LRRC8E: variants seen among roughly 807,000 people sequenced by gnomAD.
LRRC8E encodes leucine rich repeat containing 8 VRAC subunit E, also known as volume-regulated anion channel subunit LRRC8E.
In LRRC8E, 6 loss-of-function variants were observed where a neutral mutation model predicts 6.1. The observed-to-expected ratio is 0.98, with a 90% CI of 0.54 to 1.93. LRRC8E has a LOEUF of 1.93. Among genes scored for constraint, LRRC8E ranks in the 30% most tolerant of loss-of-function variants. LRRC8E has a pLI of 0.01. For missense variants in LRRC8E, 1,028 were observed against 1,031.4 expected (o/e 1.00, Z 0.04); for synonymous variants, 485 against 472.8 (o/e 1.03, Z -0.33).
In LRRC8E at chr19:7,898,798, C is replaced by T. The variant is rs1483811926; in HGVS notation, c.276C>T (p.Asn92=). The part of the protein sequence containing the change: ...GALQEVKGLK[N]NLDLQQYSFI... ...TGCAGGAGGTTAAAGGCCTTAAGAACAATTTGGACCTGCAGCAATACAGCT... is the reference window on the plus strand; with the variant it reads ...TGCAGGAGGTTAAAGGCCTTAAGAATAATTTGGACCTGCAGCAATACAGCT... Residue 92 remains asparagine, a synonymous_variant, in exon 3 of 3, where the codon AAC becomes AAT. Coordinates refer to ENST00000306708, the MANE Select transcript of LRRC8E (RefSeq NM_025061.6). 1 of 1,614,082 alleles carries T rather than the reference C, an allele frequency of 6.2e-7. No individual in the cohort carries two copies. Among genetic ancestry groups the T allele is most frequent in the East Asian group, 2.2e-5 (1 of 44,906 alleles).
chr19:7,892,695 C>CGT (rs1439072650), intron 1 of LRRC8E, among the ~76,000 whole-genome samples: 1 of 152,132 alleles, frequency 6.6e-6, no homozygotes, highest in African/African-American at 2.4e-5. Context: ...TGACCCCAAG[C>CGT]GTCCATTTTG....
chr19:7,890,308 TCAGGCTGGAAAGCC>T (rs369601991), intron 1 of LRRC8E, among the ~76,000 whole-genome samples: 2,874 of 152,218 alleles, frequency 0.019, 80 homozygotes, highest in African/African-American at 0.066. Flanking sequence ...CCACATGGTC[TCAGGCTGGAAAGCC>T]TTCCAGCCTG....
At chr19:7,894,037 T>C (rs1335018768) in intron 1 of LRRC8E, among the ~76,000 whole-genome samples, 5 of 151,872 alleles carry the variant, frequency 3.3e-5, no homozygotes, top group Non-Finnish European at 7.4e-5. Context: ...CACCCCAAAA[T>C]ATGGGGGGGA....
intron 1 of LRRC8E, among the ~76,000 whole-genome samples, chr19:7,894,591 T>A (rs1406714937): frequency 6.6e-6 from 1 of 152,186 alleles, no homozygotes; most frequent in Non-Finnish European, 1.5e-5. Flanking sequence ...ACTTGGATGT[T>A]GGCAGAAGTG....
Position 7,895,795 on chromosome 19 carries a change from GGGGAAGTC to G in LRRC8E, c.138+61_138+68del. 6.3e-7 allele frequency: 1 copy of G among 1,590,872 alleles called. No individual in the cohort carries two copies. The highest frequency in any genetic ancestry group is 8.6e-7 in the Non-Finnish European group (1 of 1,162,198). On this transcript the variant is annotated intron_variant, in intron 2 of 2. Transcript: ENST00000306708. The surrounding 1 kb of genome is among the most constrained non-coding windows in gnomAD (Gnocchi z 4.7). ...GACCAGAGGGGCGGGGCAGGTGTCT[GGGGAAGTC>G]GGGAAGCCTTCTCATCACCCAAGAA... is the stretch of plus-strand genomic sequence containing the variant.
At chr19:7,891,165 C>A (rs1354958376) in intron 1 of LRRC8E, among the ~76,000 whole-genome samples, 1 of 152,214 alleles carries the variant, frequency 6.6e-6, no homozygotes, top group Non-Finnish European at 1.5e-5. Context: ...AAGTCTCCGA[C>A]ATCCACGCTG....
chr19:7,894,627 C>G (rs1981481914), intron 1 of LRRC8E, among the ~76,000 whole-genome samples: 1 of 152,224 alleles, frequency 6.6e-6, no homozygotes, highest in Middle Eastern at 3.2e-3. Flanking sequence ...CCCCACCTTC[C>G]TTGTTCCACC....
In LRRC8E at chr19:7,899,387, G is replaced by A; in HGVS notation, c.865G>A (p.Glu289Lys). 2 of 1,614,202 alleles carry A rather than the reference G, an allele frequency of 1.2e-6. No homozygotes were observed. Among genetic ancestry groups the A allele is most frequent in the South Asian group, 1.1e-5 (1 of 91,090 alleles). The change falls in exon 3 of 3, where the codon GAG becomes AAG. Residue 289 changes from glutamate to lysine, a missense_variant. Physicochemically the swap from Glu to Lys is moderately conservative, Grantham distance 56 (BLOSUM62 1). Transcript: ENST00000306708. ...KISFLVACRV[E>K]TSEVTGYASF... ...CAGTTTCCTGGTGGCCTGTAGGGTG[G>A]AGACGTCAGAGGTCACGGGCTACGC...
chr19:7,891,646 G>T (rs865885754), intron 1 of LRRC8E, among the ~76,000 whole-genome samples: 1 of 151,924 alleles, frequency 6.6e-6, no homozygotes, highest in Admixed American at 6.6e-5. Context: ...TCGCTCTGTC[G>T]CCCAGGCTGG....
At chr19:7,892,411 T>C (rs1216292806) in intron 1 of LRRC8E, among the ~76,000 whole-genome samples, 2 of 152,008 alleles carry the variant, frequency 1.3e-5, no homozygotes, top group East Asian at 3.9e-4. Context: ...GGTCTGACTA[T>C]GTTGTCCTGG....
chr19:7,893,260 C>A (rs1981408883), intron 1 of LRRC8E, among the ~76,000 whole-genome samples: 1 of 152,136 alleles, frequency 6.6e-6, no homozygotes, highest in Non-Finnish European at 1.5e-5. Context: ...CCTGCCTCGG[C>A]CTCCCAAAGT....
chr19:7,891,214 G>A (rs1244991050), intron 1 of LRRC8E, among the ~76,000 whole-genome samples: 1 of 152,210 alleles, frequency 6.6e-6, no homozygotes, highest in Non-Finnish European at 1.5e-5. Context: ...GTGTCTGGTG[G>A]AGAAAGCTGA....
Position 7,898,858 on chromosome 19 carries a change from C to T in LRRC8E, c.336C>T (p.His112=), listed in dbSNP as rs142411102. 3.4e-5 allele frequency: 55 copies of T among 1,614,230 alleles called. No homozygotes were observed. The African/African-American group carries it at 5.2e-4, about 15-fold the overall frequency. The change falls in exon 3 of 3, where the codon CAC becomes CAT. Residue 112 remains histidine, a synonymous_variant. Transcript: ENST00000306708. Reference sequence around the variant, plus strand: ...AGCTGTGTTATGAGACGGCCCTGCACTGGTATGCCAAGTACTTCCCTTACC... The same window carrying T: ...AGCTGTGTTATGAGACGGCCCTGCATTGGTATGCCAAGTACTTCCCTTACC... ...INQLCYETAL[H]WYAKYFPYLV...
Position 7,899,529 on chromosome 19 carries a change from A to C in LRRC8E, c.1007A>C (p.His336Pro), listed in dbSNP as rs1599610143. 2 of 1,613,888 alleles carry C rather than the reference A, an allele frequency of 1.2e-6. No individual in the cohort carries two copies. The highest frequency in any genetic ancestry group is 1.7e-6 in the Non-Finnish European group (2 of 1,180,032). The change falls in exon 3 of 3, where the codon CAC (histidine) becomes CCC (proline). Residue 336 changes from histidine to proline, a missense_variant. Coordinates refer to ENST00000306708, the MANE Select transcript of LRRC8E (RefSeq NM_025061.6). ...TCIYTLYWLF[H>P]RPLKEYSFRS... ...ATCTACACGCTCTACTGGCTCTTCC[A>C]CCGGCCCCTCAAGGAGTACTCCTTC...
rs752625449 is a variant in LRRC8E, at chr19:7,900,312, T to C, written c.1790T>C (p.Ile597Thr). 1 of 1,613,078 alleles carries C rather than the reference T, an allele frequency of 6.2e-7. No homozygotes were observed. Among genetic ancestry groups the C allele is most frequent in the Admixed American group, 1.7e-5 (1 of 59,992 alleles). ...LELVACGLER[I>T]PHAVFSLGAL... ...CTGGTGGCCTGCGGGCTGGAGCGCA[T>C]CCCCCATGCAGTGTTCAGCCTGGGT... is the stretch of plus-strand genomic sequence containing the variant. The change falls in exon 3 of 3, where the codon ATC becomes ACC. Residue 597 changes from isoleucine (I) to threonine (T), a missense_variant. Ile to Thr is a moderately conservative substitution (Grantham distance 89). Transcript: ENST00000306708. This position sits in a 1 kb window ranked among gnomAD's most constrained non-coding sequence, Gnocchi z 5.0.
At chr19:7,892,291 C>G (rs904580008) in intron 1 of LRRC8E, among the ~76,000 whole-genome samples, 2 of 151,658 alleles carry the variant, frequency 1.3e-5, no homozygotes, top group Non-Finnish European at 2.9e-5. Flanking sequence ...CCAGGATGGT[C>G]TCAATCTCCT....
Position 7,900,382 on chromosome 19 carries a change from C to A in LRRC8E, c.1860C>A (p.Ile620=), listed in dbSNP as rs374009983. The A allele has an allele frequency of 6.2e-7, 1 of 1,612,736 alleles. No individual in the cohort carries two copies. The highest frequency in any genetic ancestry group is 1.3e-5 in the African/African-American group (1 of 74,914). ...LDLKDNHLRS[I]EEILSFQHCR... ...TCAAGGACAACCACCTGCGCTCCAT[C>A]GAGGAAATCCTCAGCTTCCAGCACT... The change falls in exon 3 of 3, where the codon ATC becomes ATA. Residue 620 remains isoleucine (I), a synonymous_variant. Transcript: ENST00000306708. This position sits in a 1 kb window ranked among gnomAD's most constrained non-coding sequence, Gnocchi z 5.0.
rs3745384 is a variant in LRRC8E, at chr19:7,900,667, C to G, written c.2145C>G (p.Pro715=). Residue 715 remains proline, a synonymous_variant, in exon 3 of 3, where the codon CCC becomes CCG. Coordinates refer to ENST00000306708, the MANE Select transcript of LRRC8E (RefSeq NM_025061.6). The surrounding 1 kb of genome is among the most constrained non-coding windows in gnomAD (Gnocchi z 5.0). ...CCTACAATGCCCTGGAGGCCCTGCC[C>G]GAAGAGCTCTTCTTCTGCCGCAAGC... ...ALSYNALEAL[P]EELFFCRKLR... 5.7e-4 allele frequency: 915 copies of G among 1,613,454 alleles called. 9 individuals are homozygous for G. The East Asian group carries it at 0.014, about 25-fold the overall frequency.
chr19:7,899,642 G>A lies in LRRC8E; in HGVS notation c.1120G>A (p.Asp374Asn), dbSNP rs745335392. 1.9e-6 allele frequency: 3 copies of A among 1,613,690 alleles called. No homozygotes were observed. Among genetic ancestry groups the A allele is most frequent in the South Asian group, 1.1e-5 (1 of 91,090 alleles). The change falls in exon 3 of 3, where the codon GAC (aspartate) becomes AAC (asparagine). Residue 374 changes from aspartate (D) to asparagine (N), a missense_variant. By Grantham distance (23) the Asp-to-Asn change is conservative. Coordinates refer to ENST00000306708, the MANE Select transcript of LRRC8E (RefSeq NM_025061.6). ...AFMLHLIDQY[D>N]SLYSKRFAVF... ...CATGCTGCACCTCATCGATCAGTAC[G>A]ACTCCCTCTACTCCAAGCGCTTCGC...
Sources: gnomAD v4.1 joint callset for allele counts (sites outside exome capture counted in the v4.1 genomes callset) on GRCh38, gnomAD v4.1.1 for gene constraint, Gnocchi (gnomAD v3.1) non-coding constraint, MANE v1.5 for transcripts, NCBI Gene and HGNC (gene_info 2026-07-23, HGNC 2026-07-21) for gene names.